The following RAPGEF6 variants were observed in gnomAD, a reference collection of about 807,000 sequenced individuals.
The protein encoded by RAPGEF6 is Rap guanine nucleotide exchange factor 6.
Under a neutral mutation model 171.4 loss-of-function variants are expected in RAPGEF6, and 56 were observed. That is an observed-to-expected ratio of 0.33 (90% CI 0.26 to 0.41). The LOEUF (loss-of-function observed/expected upper bound fraction) is 0.41. Among genes scored for constraint, RAPGEF6 ranks in the 10% least tolerant of loss-of-function variants. RAPGEF6 has a pLI of 1.00. For missense variants in RAPGEF6, 1,674 were observed against 1,921.4 expected (o/e 0.87, Z 2.41); for synonymous variants, 692 against 650.1 (o/e 1.06, Z -0.98).
chr5:131,547,508 CTT>C (rs537121153), intron 6 of RAPGEF6, among the ~76,000 whole-genome samples: 22 of 132,404 alleles, frequency 1.7e-4, no homozygotes, highest in African/African-American at 2.2e-4. Context: ...ACACAGCTTA[CTT>C]TTTTTTTTTT....
chr5:131,517,251 C>G (rs900955780), intron 7 of RAPGEF6, among the ~76,000 whole-genome samples: 3 of 151,956 alleles, frequency 2.0e-5, no homozygotes, highest in Non-Finnish European at 4.4e-5. Context: ...GCACATGTAC[C>G]CCCCTGCATC....
chr5:131,452,383 T>C (rs1184324463), intron 21 of RAPGEF6, among the ~76,000 whole-genome samples: 1 of 152,144 alleles, frequency 6.6e-6, no homozygotes, highest in Non-Finnish European at 1.5e-5. Flanking sequence ...TTTAGTAAAG[T>C]ATGATTAAAT....
chr5:131,509,542 C>CAA (rs59175698), intron 8 of RAPGEF6, among the ~76,000 whole-genome samples: 72 of 136,956 alleles, frequency 5.3e-4, no homozygotes, highest in African/African-American at 1.9e-3. Flanking sequence ...GACACCGTCT[C>CAA]AAAAAAAAAA....
intron 1 of RAPGEF6, among the ~76,000 whole-genome samples, chr5:131,630,634 A>G (rs148669442): frequency 9.2e-5 from 14 of 152,348 alleles, no homozygotes; most frequent in African/African-American, 2.6e-4. Context: ...TCTCTCACAC[A>G]CACACTGTGT....
At chr5:131,429,415 T>A (rs1192761563) in intron 26 of RAPGEF6, among the ~76,000 whole-genome samples, 199 bp from the exon 27 acceptor site, 1 of 152,130 alleles carries the variant, frequency 6.6e-6, no homozygotes, top group African/African-American at 2.4e-5. Context: ...ACAACTATAT[T>A]AAGTCCTGTA....
chr5:131,474,762 GT>G (rs1346495717), intron 16 of RAPGEF6, among the ~76,000 whole-genome samples: 1 of 152,106 alleles, frequency 6.6e-6, no homozygotes, highest in African/African-American at 2.4e-5. Context: ...GGTATTTAAA[GT>G]ATACAGAAAA....
intron 22 of RAPGEF6, among the ~76,000 whole-genome samples, chr5:131,443,437 T>A (rs1217067361): frequency 6.6e-6 from 1 of 152,230 alleles, no homozygotes; most frequent in Non-Finnish European, 1.5e-5. Context: ...AGGGTCAAGT[T>A]AACATTCTCT....
Position 131,528,215 on chromosome 5 carries a change from A to T in RAPGEF6, c.496-6694T>A, listed in dbSNP as rs1045173204. On this transcript the variant is annotated intron_variant, in intron 6 of 27. Transcript: ENST00000509018. ...ATAATTATATATATTATATATAAAT[A>T]AAATAAAATAATATATTTATATATC... Among the ~76,000 whole-genome samples the T allele has an allele frequency of 1.8e-4, 22 of 125,098 alleles. 1 individual carries two copies. Among genetic ancestry groups the T allele is most frequent in the African/African-American group, 6.5e-4 (20 of 30,888 alleles). The allele number at this position is 125,098 out of a possible 152,430, so 82.1% of individuals were successfully genotyped here. A position where few individuals can be genotyped will look rare whatever the true frequency, so the allele number is the denominator to read the frequency against.
rs577513647 is a variant in RAPGEF6, at chr5:131,603,775, CTGATA to C, written c.141-453_141-449del. ...GCTAATTTTTCAGTTTTCTTTCTTC[CTGATA>C]TAATTATTTGGCATACACTAACAGC... On this transcript the variant is annotated intron_variant, in intron 2 of 27. Transcript: ENST00000509018. Among the ~76,000 whole-genome samples the C allele has an allele frequency of 1.6e-3, 239 of 151,748 alleles. 1 individual carries two copies. Among genetic ancestry groups the C allele is most frequent in the African/African-American group, 5.5e-3 (229 of 41,368 alleles).
intron 4 of RAPGEF6, among the ~76,000 whole-genome samples, chr5:131,582,464 T>C (rs1763021710): frequency 6.6e-6 from 1 of 152,030 alleles, no homozygotes; most frequent in South Asian, 2.1e-4. Context: ...CACACCTAAA[T>C]AGATCATAGT....
chr5:131,579,295 A>C (rs1317570094), intron 4 of RAPGEF6, among the ~76,000 whole-genome samples: 1 of 152,212 alleles, frequency 6.6e-6, no homozygotes, highest in Non-Finnish European at 1.5e-5. Context: ...AAGAGTGAGC[A>C]GCAGCAAGAT....
chr5:131,440,712 T>C (rs1580826533), intron 23 of RAPGEF6, among the ~76,000 whole-genome samples: 1 of 120,266 alleles, frequency 8.3e-6, no homozygotes, highest in Non-Finnish European at 1.6e-5. Context: ...CACTCCAGCC[T>C]GGGCGACAGA....
At chr5:131,455,717 G>A in intron 20 of RAPGEF6, 84 bp downstream of exon 20, 4 of 1,191,380 alleles carry the variant, frequency 3.4e-6, no homozygotes, top group Non-Finnish European at 4.9e-6. Flanking sequence ...TAATAGAATA[G>A]GAAATATACC....
chr5:131,601,141 T>C (rs1457842050), intron 3 of RAPGEF6, among the ~76,000 whole-genome samples: 1 of 150,438 alleles, frequency 6.6e-6, no homozygotes, highest in Non-Finnish European at 1.5e-5. Context: ...CCCAGCACTT[T>C]GGGAGGCCGA....
In RAPGEF6 at chr5:131,529,897, CCCT is replaced by C. The variant is rs1299015407; in HGVS notation, c.496-8379_496-8377del. Among the ~76,000 whole-genome samples the C allele has an allele frequency of 5.5e-4, 82 of 150,272 alleles. 1 individual carries two copies. The highest frequency in any genetic ancestry group is 5.3e-3 in the Admixed American group (80 of 15,026). ...TGGGCAACAGAGCAGGGCCTTGTCTCCCTCTTTTTTTTTTTTTTTTTTTTTTTG... is the reference window on the plus strand; with the variant it reads ...TGGGCAACAGAGCAGGGCCTTGTCTCCTTTTTTTTTTTTTTTTTTTTTTTG... On this transcript the variant is annotated intron_variant, in intron 6 of 27. Transcript: ENST00000509018.
chr5:131,583,884 G>A (rs921109629), intron 4 of RAPGEF6, among the ~76,000 whole-genome samples: 5 of 152,062 alleles, frequency 3.3e-5, no homozygotes, highest in East Asian at 1.9e-4. Flanking sequence ...CACATAACAC[G>A]GATAAACCTC....
At chr5:131,597,820 A>G (rs1763990380) in intron 3 of RAPGEF6, among the ~76,000 whole-genome samples, 1 of 152,180 alleles carries the variant, frequency 6.6e-6, no homozygotes, top group African/African-American at 2.4e-5. Context: ...GGTTAACAGT[A>G]AAGTACTGTA....
chr5:131,619,333 G>C (rs879664642), intron 1 of RAPGEF6, among the ~76,000 whole-genome samples: 11 of 152,184 alleles, frequency 7.2e-5, no homozygotes, highest in African/African-American at 2.4e-4. Context: ...TGGAGGGCGG[G>C]GGGGCATAGC....
chr5:131,479,365 A>G, intron 16 of RAPGEF6, 148 bp downstream of exon 16: 1 of 760,140 alleles, frequency 1.3e-6, no homozygotes, highest in East Asian at 2.7e-5. Context: ...AGAAGTTCAA[A>G]TGTATTCTTA....
Sources: gnomAD v4.1 joint callset for allele counts (sites outside exome capture counted in the v4.1 genomes callset) on GRCh38, gnomAD v4.1.1 for gene constraint, MANE v1.5 for transcripts, NCBI Gene and HGNC (gene_info 2026-07-23, HGNC 2026-07-21) for gene names.